The following RIN3 variants were observed in gnomAD, a reference collection of about 807,000 sequenced individuals.
RIN3 encodes RAB5 interacting protein 3.
Under a neutral mutation model 76.3 loss-of-function variants are expected in RIN3, and 54 were observed. The ratio of observed to expected loss-of-function variants is 0.71; its 90% confidence interval spans 0.57 to 0.89. RIN3 has a LOEUF of 0.89. RIN3 is among the 40% of genes least tolerant of loss of function. RIN3 has a pLI of 0.00. For missense variants in RIN3, 1,256 were observed against 1,322.1 expected, an observed-to-expected ratio of 0.95 and a Z score of 0.78; for synonymous variants, 576 against 564.0, an observed-to-expected ratio of 1.02 and a Z score of -0.30.
chr14:92,538,468 TG>T (rs1897060446), intron 1 of RIN3, among the ~76,000 whole-genome samples: 1 of 152,210 alleles, frequency 6.6e-6, no homozygotes, highest in Non-Finnish European at 1.5e-5. Context: ...CTGTGGTAGA[TG>T]GGCCAGACAC....
chr14:92,629,841 A>C (rs1886502825), intron 4 of RIN3, among the ~76,000 whole-genome samples: 1 of 152,244 alleles, frequency 6.6e-6, no homozygotes. Flanking sequence ...TTCAAACCAG[A>C]CGCATCTCCA....
intron 3 of RIN3, among the ~76,000 whole-genome samples, chr14:92,603,138 G>C (rs937494534): frequency 6.6e-6 from 1 of 152,224 alleles, no homozygotes; most frequent in African/African-American, 2.4e-5. Context: ...CTTACACTGA[G>C]AGCTGCGGAC....
intron 8 of RIN3, among the ~76,000 whole-genome samples, chr14:92,679,903 CTGGCT>C (rs1888603358): frequency 6.6e-6 from 1 of 152,224 alleles, no homozygotes; most frequent in Non-Finnish European, 1.5e-5. Flanking sequence ...CCTAACCTCT[CTGGCT>C]TGCAGAAGTG....
intron 7 of RIN3, among the ~76,000 whole-genome samples, chr14:92,664,789 T>G (rs1228929519): frequency 6.6e-6 from 1 of 152,200 alleles, no homozygotes; most frequent in Non-Finnish European, 1.5e-5. Context: ...GTGGCATGTA[T>G]GTATGTAACA....
intron 1 of RIN3, among the ~76,000 whole-genome samples, chr14:92,536,668 G>C (rs1314432470): frequency 1.3e-5 from 2 of 151,854 alleles, no homozygotes; most frequent in Admixed American, 1.3e-4. Context: ...CTTGAACCCG[G>C]GAGGTGGAGG....
chr14:92,564,712 A>G (rs1447802020), intron 2 of RIN3, among the ~76,000 whole-genome samples: 1 of 152,208 alleles, frequency 6.6e-6, no homozygotes, highest in Admixed American at 6.5e-5. Context: ...GAACTCTCAC[A>G]GTGGCAAGAG....
intron 4 of RIN3, among the ~76,000 whole-genome samples, chr14:92,632,020 G>A (rs1175889416): frequency 6.6e-6 from 1 of 152,178 alleles, no homozygotes; most frequent in Non-Finnish European, 1.5e-5. Context: ...TGCCCTCGAG[G>A]AGAAAGCAGG....
At chr14:92,591,529 A>G (rs746982737) in intron 3 of RIN3, among the ~76,000 whole-genome samples, 15 of 152,220 alleles carry the variant, frequency 9.9e-5, no homozygotes, top group African/African-American at 1.7e-4. Flanking sequence ...CAACTAACCT[A>G]GGCATACCAT....
intron 1 of RIN3, among the ~76,000 whole-genome samples, chr14:92,538,249 G>C (rs947950555): frequency 6.6e-6 from 1 of 152,216 alleles, no homozygotes; most frequent in East Asian, 1.9e-4. Context: ...GATTACAGGC[G>C]TGAGCCACCA....
intron 1 of RIN3, among the ~76,000 whole-genome samples, chr14:92,552,993 C>T (rs1897473871): frequency 6.8e-6 from 1 of 147,790 alleles, no homozygotes; most frequent in African/African-American, 2.5e-5. Context: ...CTCCCAGAAC[C>T]TCTCTGTTTG....
intron 2 of RIN3, among the ~76,000 whole-genome samples, chr14:92,560,263 G>A (rs1897724786): frequency 1.3e-5 from 2 of 152,128 alleles, no homozygotes; most frequent in Non-Finnish European, 2.9e-5. Flanking sequence ...TGCATTAAAG[G>A]AGTCAACCAT....
At chr14:92,586,096 A>G (rs550855169) in intron 3 of RIN3, among the ~76,000 whole-genome samples, 1 of 152,374 alleles carries the variant, frequency 6.6e-6, no homozygotes, top group Non-Finnish European at 1.5e-5. Context: ...ACTCTGCAAC[A>G]CAGCTACTGG....
intron 1 of RIN3, among the ~76,000 whole-genome samples, chr14:92,534,265 A>G (rs371078387): frequency 3.1e-5 from 4 of 127,958 alleles, no homozygotes; most frequent in East Asian, 4.7e-4. Flanking sequence ...TTTTTTACAG[A>G]TGGGGAAACT....
At chr14:92,657,613 C>A (rs1162338391) in intron 6 of RIN3, among the ~76,000 whole-genome samples, 3 of 152,146 alleles carry the variant, frequency 2.0e-5, no homozygotes, top group Admixed American at 6.5e-5. Flanking sequence ...GGGGAAGAGA[C>A]ATGGCCGAGG....
At chr14:92,550,568 A>G (rs1470336557) in intron 1 of RIN3, among the ~76,000 whole-genome samples, 1 of 152,138 alleles carries the variant, frequency 6.6e-6, no homozygotes, top group East Asian at 1.9e-4. Flanking sequence ...GGCACACGCC[A>G]TCATGCCTGG....
At chr14:92,646,982 T>C (rs545110755) in intron 5 of RIN3, among the ~76,000 whole-genome samples, 1 of 152,350 alleles carries the variant, frequency 6.6e-6, no homozygotes, top group Admixed American at 6.5e-5. Context: ...GGCTAAAGAT[T>C]TACTGGGTTT....
intron 1 of RIN3, among the ~76,000 whole-genome samples, chr14:92,551,876 A>C (rs1897435701): frequency 6.6e-6 from 1 of 152,228 alleles, no homozygotes; most frequent in African/African-American, 2.4e-5. Flanking sequence ...ATTGTGATGC[A>C]GTCTAACTTT....
intron 3 of RIN3, among the ~76,000 whole-genome samples, chr14:92,609,653 G>A (rs146211343): frequency 6.6e-6 from 1 of 152,222 alleles, no homozygotes; most frequent in Non-Finnish European, 1.5e-5. Context: ...CTCCTGGGCA[G>A]TAGGTGGCAC....
At chr14:92,586,880 T>C (rs1884795956) in intron 3 of RIN3, among the ~76,000 whole-genome samples, 1 of 152,202 alleles carries the variant, frequency 6.6e-6, no homozygotes, top group African/African-American at 2.4e-5. Context: ...CCAGGCCTAC[T>C]TTGGGCCTTG....
Sources: allele counts gnomAD v4.1 joint callset (sites outside exome capture counted in the v4.1 genomes callset), GRCh38; gene constraint gnomAD v4.1.1; transcripts MANE v1.5; gene names NCBI Gene and HGNC (gene_info 2026-07-23, HGNC 2026-07-21).